The following RNF216 variants were observed in gnomAD, a reference collection of about 807,000 sequenced individuals.
RNF216 encodes the protein ring finger protein 216.
In RNF216, 72 loss-of-function variants were observed where a neutral mutation model predicts 110.8. The ratio of observed to expected loss-of-function variants is 0.65; its 90% confidence interval spans 0.54 to 0.79. The LOEUF is 0.79. Among genes scored for constraint, RNF216 ranks in the 30% least tolerant of loss-of-function variants. The probability of loss-of-function intolerance (pLI) is 0.00; values close to 1 mark genes in which losing one functional copy is unlikely to be tolerated. For missense variants in RNF216, 1,342 were observed against 1,141.2 expected (o/e 1.18, Z -2.54); for synonymous variants, 495 against 407.5 (o/e 1.21, Z -2.59).
At chr7:5,702,115 C>A (rs1222755042) in intron 13 of RNF216, among the ~76,000 whole-genome samples, 1 of 152,136 alleles carries the variant, frequency 6.6e-6, no homozygotes, top group Non-Finnish European at 1.5e-5. Context: ...TTCCTTGGCT[C>A]TGAAATGCAG....
rs757193995 is a variant in RNF216 at position 5,741,822 on chromosome 7, A to G, written c.202-7T>C. The G allele has an allele frequency of 6.3e-7, 1 of 1,582,338 alleles. No individual in the cohort carries two copies. Among genetic ancestry groups the G allele is most frequent in the Non-Finnish European group, 8.6e-7 (1 of 1,168,732 alleles). ...ATCTCTGAGGTTTATTTGTCTAAGAAAAAATGAAATTTTAATAATTCAATT... is the reference window on the plus strand; with the variant it reads ...ATCTCTGAGGTTTATTTGTCTAAGAGAAAATGAAATTTTAATAATTCAATT... On this transcript the variant is annotated splice_region_variant and splice_polypyrimidine_tract_variant and intron_variant, in intron 3 of 16. Transcript: ENST00000389902.
intron 5 of RNF216, among the ~76,000 whole-genome samples, chr7:5,735,555 G>A (rs769896008): frequency 6.6e-6 from 1 of 152,140 alleles, no homozygotes; most frequent in Non-Finnish European, 1.5e-5. Context: ...TGAGTTAAAA[G>A]GAGATTACAC....
chr7:5,700,837 T>G (rs1256486761), intron 13 of RNF216, among the ~76,000 whole-genome samples: 1 of 152,170 alleles, frequency 6.6e-6, no homozygotes, highest in Non-Finnish European at 1.5e-5. Flanking sequence ...GGATGACCAG[T>G]GCCCTCCCAG....
intron 6 of RNF216, among the ~76,000 whole-genome samples, chr7:5,730,426 T>G (rs1794020847): frequency 6.6e-6 from 1 of 152,244 alleles, no homozygotes; most frequent in South Asian, 2.1e-4. Context: ...CTTTAGGAAT[T>G]TGCTTTGTAG....
intron 3 of RNF216, among the ~76,000 whole-genome samples, chr7:5,751,300 G>C (rs1795316634): frequency 6.6e-6 from 1 of 152,154 alleles, no homozygotes; most frequent in African/African-American, 2.4e-5. Flanking sequence ...CGAAGGTTTG[G>C]TCAGGTCCTG....
intron 13 of RNF216, among the ~76,000 whole-genome samples, chr7:5,695,897 G>GA (rs374616288): frequency 6.6e-6 from 1 of 152,240 alleles, no homozygotes; most frequent in Non-Finnish European, 1.5e-5. Flanking sequence ...GTGTTGCACT[G>GA]AAAGACTAAG....
chr7:5,688,724 T>A (rs1002372959), intron 13 of RNF216, among the ~76,000 whole-genome samples: 8 of 151,984 alleles, frequency 5.3e-5, no homozygotes, highest in African/African-American at 1.9e-4. Flanking sequence ...ATCAGGCTTG[T>A]CTTATTTTTT....
intron 5 of RNF216, among the ~76,000 whole-genome samples, chr7:5,735,118 C>T (rs548703375): frequency 1.3e-5 from 2 of 152,112 alleles, no homozygotes; most frequent in African/African-American, 4.8e-5. Context: ...TGCACTCCAG[C>T]CTGGGCAAGA....
At chr7:5,763,253 G>C (rs929740176) in intron 1 of RNF216, among the ~76,000 whole-genome samples, 1 of 152,180 alleles carries the variant, frequency 6.6e-6, no homozygotes, top group African/African-American at 2.4e-5. Context: ...TGTGGTGGTA[G>C]TCACCTGGGT....
rs376096873 is a variant in RNF216 at position 5,698,384 on chromosome 7, TAC to T, written c.2061+13375_2061+13376del. ...CAGTGAGCTGTCTTAGATTCTTTTA[TAC>T]ACACACACACACACACACACACACA... On this transcript the variant is annotated intron_variant, in intron 13 of 16. Transcript: ENST00000389902. Among the ~76,000 whole-genome samples the T allele has an allele frequency of 3.9e-3, 564 of 145,262 alleles. 3 individuals carry two copies. Among genetic ancestry groups the T allele is most frequent in the African/African-American group, 8.0e-3 (313 of 39,074 alleles).
intron 13 of RNF216, among the ~76,000 whole-genome samples, chr7:5,679,970 G>A (rs1337332778): frequency 2.0e-5 from 3 of 152,156 alleles, no homozygotes; most frequent in African/African-American, 4.8e-5. Flanking sequence ...TTAGGGTCCT[G>A]GGAGTCTCTT....
In RNF216 at chr7:5,622,468, C is replaced by A; in HGVS notation, c.*392G>T. ...CAGCCCCCTCTGCCCTTGGCCCAAC[C>A]GTGGGCCCCTCCAGGGAGATGCTCT... is the stretch of plus-strand genomic sequence containing the variant. On this transcript the variant is annotated 3_prime_UTR_variant, in exon 17 of 17. Transcript: ENST00000389902. The A allele has an allele frequency of 5.7e-6, 1 of 175,776 alleles. No individual in the cohort carries two copies. Among genetic ancestry groups the A allele is most frequent in the Non-Finnish European group, 1.2e-5 (1 of 83,904 alleles). The allele number at this position is 175,776 out of a possible 1,614,324, so 10.9% of individuals were successfully genotyped here. A position where few individuals can be genotyped will look rare whatever the true frequency, so the allele number is the denominator to read the frequency against.
rs564102689 is a variant in RNF216 at position 5,729,417 on chromosome 7, G to A, written c.1389+15C>T. 8.1e-6 allele frequency: 13 copies of A among 1,613,394 alleles called. No individual in the cohort carries two copies. Among genetic ancestry groups the A allele is most frequent in the African/African-American group, 1.3e-5 (1 of 75,020 alleles). Reference sequence around the variant, plus strand: ...TCAAGAGGTGTGACCCCAACAGGAAGACCAAGTAGAGTACCTTTCGGGTGA... The same window carrying A: ...TCAAGAGGTGTGACCCCAACAGGAAAACCAAGTAGAGTACCTTTCGGGTGA... On this transcript the variant is annotated intron_variant, in intron 7 of 16. Transcript: ENST00000389902.
intron 5 of RNF216, among the ~76,000 whole-genome samples, chr7:5,736,929 G>A (rs1387635915): frequency 2.1e-5 from 3 of 144,470 alleles, no homozygotes; most frequent in South Asian, 2.3e-4. Context: ...CCCGGCAGCC[G>A]CCCCGTCCGG....
chr7:5,666,785 T>G (rs1450021567), intron 13 of RNF216: 1 of 151,738 alleles, frequency 6.6e-6, no homozygotes, highest in Non-Finnish European at 1.5e-5. Flanking sequence ...ACAATACAGG[T>G]TGTGGAACCG....
intron 5 of RNF216, among the ~76,000 whole-genome samples, chr7:5,733,447 G>C (rs1584533258): frequency 6.6e-6 from 1 of 152,150 alleles, no homozygotes; most frequent in African/African-American, 2.4e-5. Flanking sequence ...CAATCTTGAA[G>C]ATATATTTAA....
intron 1 of RNF216, among the ~76,000 whole-genome samples, chr7:5,773,855 G>A (rs572370530): frequency 3.3e-4 from 50 of 152,302 alleles, no homozygotes; most frequent in African/African-American, 1.1e-3. Context: ...GCGAGTCACC[G>A]TGCCTGGCCC....
chr7:5,658,841 A>G (rs2128582977), intron 13 of RNF216, among the ~76,000 whole-genome samples: 1 of 152,184 alleles, frequency 6.6e-6, no homozygotes, highest in South Asian at 2.1e-4. Context: ...CCTCTGCACA[A>G]TTTTTCTGAT....
chr7:5,778,082 TTTGAG>T (rs1229920441), intron 1 of RNF216, among the ~76,000 whole-genome samples: 1 of 152,226 alleles, frequency 6.6e-6, no homozygotes, highest in Non-Finnish European at 1.5e-5. Flanking sequence ...TCATACGGCA[TTTGAG>T]TTATTTCTTT....
Sources: allele counts gnomAD v4.1 joint callset (sites outside exome capture counted in the v4.1 genomes callset), GRCh38; gene constraint gnomAD v4.1.1; transcripts MANE v1.5; gene names NCBI Gene and HGNC (gene_info 2026-07-23, HGNC 2026-07-21).